Variants in PPP1R12A observed in about 807,000 individuals in gnomAD.
PPP1R12A encodes protein phosphatase 1 regulatory subunit 12A.
In PPP1R12A, 19 loss-of-function variants were observed where a neutral mutation model predicts 139.6. That is an observed-to-expected ratio of 0.14 (90% CI 0.09 to 0.20). PPP1R12A has a LOEUF of 0.20. Among genes scored for constraint, PPP1R12A ranks in the 10% least tolerant of loss-of-function variants. The pLI, the probability that PPP1R12A is intolerant of heterozygous loss-of-function variation, is 1.00. For synonymous variants in PPP1R12A, 427 were observed against 420.6 expected, an observed-to-expected ratio of 1.02 and a Z score of -0.19; for missense variants, 925 against 1,211.5, an observed-to-expected ratio of 0.76 and a Z score of 3.51.
chr12:79,930,698 G>A (rs1888189269), intron 1 of PPP1R12A, among the ~76,000 whole-genome samples: 2 of 152,136 alleles, frequency 1.3e-5, no homozygotes, highest in Non-Finnish European at 2.9e-5. Flanking sequence ...CTCGAATCCG[G>A]GAGGTGGAGG....
At position 79,859,372 on chromosome 12, in the gene PPP1R12A, A is replaced by C. The variant is rs1226891434; in HGVS notation, c.368+13436T>G. Among the ~76,000 whole-genome samples the C allele has an allele frequency of 1.4e-4, 21 of 150,446 alleles. 1 individual carries two copies. The highest frequency in any genetic ancestry group is 5.1e-4 in the African/African-American group (21 of 41,128). ...AAAGAAAGAAAAAAAAAAAAAAACA[A>C]CAGTGCTCAGGATCAAAGAGAGATG... On this transcript the variant is annotated intron_variant, in intron 2 of 24. Transcript: ENST00000450142.
chr12:79,922,034 T>C (rs1455376990), intron 1 of PPP1R12A, among the ~76,000 whole-genome samples: 1 of 152,204 alleles, frequency 6.6e-6, no homozygotes, highest in Non-Finnish European at 1.5e-5. Context: ...GAGGATTGCT[T>C]GAGCCCAGGA....
chr12:79,776,740 G>A (rs1869776069), intron 24 of PPP1R12A, among the ~76,000 whole-genome samples: 2 of 152,026 alleles, frequency 1.3e-5, no homozygotes, highest in South Asian at 4.1e-4. Flanking sequence ...AATTGATGAA[G>A]GGGTGAAAAT....
intron 1 of PPP1R12A, among the ~76,000 whole-genome samples, chr12:79,918,147 C>T (rs1454202978): frequency 6.6e-6 from 1 of 151,366 alleles, no homozygotes; most frequent in Admixed American, 6.6e-5. Flanking sequence ...TTAGGCAGTT[C>T]ACTGAAACCT....
At chr12:79,808,837 A>G (rs1001545086) in intron 10 of PPP1R12A, among the ~76,000 whole-genome samples, 9 of 152,118 alleles carry the variant, frequency 5.9e-5, no homozygotes, top group Non-Finnish European at 8.8e-5. Context: ...GATTTTAATG[A>G]CTTTTTCTAA....
chr12:79,930,750 C>G (rs1888192552), intron 1 of PPP1R12A, among the ~76,000 whole-genome samples: 1 of 151,872 alleles, frequency 6.6e-6, no homozygotes, highest in Admixed American at 6.6e-5. Flanking sequence ...CCAGCCTGGG[C>G]AACAAGAGCA....
At chr12:79,870,395 T>C (rs554651649) in intron 2 of PPP1R12A, among the ~76,000 whole-genome samples, 8 of 152,152 alleles carry the variant, frequency 5.3e-5, no homozygotes, top group Non-Finnish European at 1.0e-4. Flanking sequence ...TGAGCCACCA[T>C]GCCCAACCTG....
intron 2 of PPP1R12A, among the ~76,000 whole-genome samples, chr12:79,845,876 G>C (rs949155049): frequency 2.0e-4 from 2 of 10,214 alleles, no homozygotes; most frequent in Non-Finnish European, 2.3e-3. Context: ...ATGTACACAC[G>C]TTGCTTTACC....
Position 79,807,270 on chromosome 12 carries a change from A to G in PPP1R12A, c.1611T>C (p.Leu537=). 6.4e-7 allele frequency: 1 copy of G among 1,555,196 alleles called. No individual in the cohort carries two copies. Among genetic ancestry groups the G allele is most frequent in the Non-Finnish European group, 8.7e-7 (1 of 1,148,290 alleles). Residue 537 remains leucine (L), a synonymous_variant, in exon 12 of 25, where the codon CTT becomes CTC. Transcript: ENST00000450142. ...CTTCATTAACTGAGCTATTTTTTTT[A>G]AGATCATCTTCCCATTTTCTCCTTG... The part of the protein sequence containing the change: ...SYTRRKWEDD[L]KKNSSVNEGS...
intron 2 of PPP1R12A, among the ~76,000 whole-genome samples, chr12:79,865,940 A>G (rs1227187881): frequency 6.6e-6 from 1 of 152,190 alleles, no homozygotes; most frequent in Non-Finnish European, 1.5e-5. Flanking sequence ...GCTACCACTG[A>G]GTTTCTTCAC....
At chr12:79,810,499 C>T (rs1305449762) in intron 9 of PPP1R12A, among the ~76,000 whole-genome samples, 1 of 151,930 alleles carries the variant, frequency 6.6e-6, no homozygotes, top group South Asian at 2.1e-4. Context: ...ATGATAGGAG[C>T]AATGAAATCA....
At chr12:79,871,164 T>C (rs1882529159) in intron 2 of PPP1R12A, among the ~76,000 whole-genome samples, 1 of 152,190 alleles carries the variant, frequency 6.6e-6, no homozygotes, top group Non-Finnish European at 1.5e-5. Flanking sequence ...AGTGGCTTAA[T>C]AAGCCTAAAT....
At chr12:79,854,663 A>T (rs374937477) in intron 2 of PPP1R12A, among the ~76,000 whole-genome samples, 12 of 150,656 alleles carry the variant, frequency 8.0e-5, no homozygotes, top group Admixed American at 2.7e-4. Flanking sequence ...TATAATTTTT[A>T]TTTTTTTTTG....
intron 1 of PPP1R12A, among the ~76,000 whole-genome samples, chr12:79,906,887 T>G (rs1021941853): frequency 6.6e-6 from 1 of 152,054 alleles, no homozygotes; most frequent in Non-Finnish European, 1.5e-5. Context: ...CTCAAGTGAT[T>G]TGCCCGCCTC....
At chr12:79,868,919 A>G (rs1177735255) in intron 2 of PPP1R12A, among the ~76,000 whole-genome samples, 2 of 152,226 alleles carry the variant, frequency 1.3e-5, no homozygotes, top group African/African-American at 2.4e-5. Context: ...TATTGACTGC[A>G]TAATTTTTAA....
chr12:79,927,944 G>A (rs1362976383), intron 1 of PPP1R12A, among the ~76,000 whole-genome samples: 1 of 152,142 alleles, frequency 6.6e-6, no homozygotes, highest in African/African-American at 2.4e-5. Context: ...GTAAAAGATG[G>A]CAATTTTTTG....
chr12:79,807,298 T>C lies in PPP1R12A; in HGVS notation c.1583A>G (p.Tyr528Cys), dbSNP rs1217198357. The change falls in exon 12 of 25, where the codon TAT becomes TGT. Residue 528 changes from tyrosine (Y) to cysteine (C), a missense_variant. Coordinates refer to ENST00000450142, the MANE Select transcript of PPP1R12A (RefSeq NM_002480.3). Reference sequence around the variant, plus strand: ...ATCATCTTCCCATTTTCTCCTTGTATATGAACTACTTGTTCGCAAACTTGA... The same window carrying C: ...ATCATCTTCCCATTTTCTCCTTGTACATGAACTACTTGTTCGCAAACTTGA... ...DSSSLRTSSS[Y>C]TRRKWEDDLK... 3.2e-6 allele frequency: 5 copies of C among 1,555,616 alleles called. No individual in the cohort carries two copies. The highest frequency in any genetic ancestry group is 1.2e-5 in the South Asian group (1 of 84,540).
chr12:79,850,275 T>G (rs898301523), intron 2 of PPP1R12A, among the ~76,000 whole-genome samples: 2 of 152,192 alleles, frequency 1.3e-5, no homozygotes, highest in East Asian at 3.8e-4. Context: ...ACTATTTATG[T>G]GCTAACTGGA....
At chr12:79,787,386 C>A (rs1438940101) in intron 21 of PPP1R12A, 1 of 152,188 alleles carries the variant, frequency 6.6e-6, no homozygotes, top group Non-Finnish European at 1.5e-5. Flanking sequence ...TGTATTCTCC[C>A]CCCACCAGGT....
Sources: allele counts gnomAD v4.1 joint callset (sites outside exome capture counted in the v4.1 genomes callset), GRCh38; gene constraint gnomAD v4.1.1; transcripts MANE v1.5; gene names NCBI Gene and HGNC (gene_info 2026-07-23, HGNC 2026-07-21).